Variants in ANKRD12 observed in about 807,000 individuals in gnomAD.
The protein encoded by ANKRD12 is ankyrin repeat domain-containing protein 12.
Under a neutral mutation model 183.4 loss-of-function variants are expected in ANKRD12, and 85 were observed. That is an observed-to-expected ratio of 0.46 (90% confidence interval 0.39 to 0.56). ANKRD12 has a LOEUF of 0.56. Ranked by LOEUF, ANKRD12 falls within the 20% of genes least tolerant of loss-of-function variation. ANKRD12 has a pLI of 0.00. For synonymous variants in ANKRD12, 914 were observed against 800.2 expected, an observed-to-expected ratio of 1.14 and a Z score of -2.40; for missense variants, 2,405 against 2,357.1, an observed-to-expected ratio of 1.02 and a Z score of -0.42.
chr18:9,275,763 A>G (rs1195818514), intron 11 of ANKRD12, 96 bp downstream of exon 11: 2 of 1,241,958 alleles, frequency 1.6e-6, no homozygotes, highest in Admixed American at 5.0e-5. Flanking sequence ...CTTGAACTCA[A>G]CAATCATTAA....
intron 7 of ANKRD12, among the ~76,000 whole-genome samples, chr18:9,217,679 T>TA (rs2036189267): frequency 6.6e-6 from 1 of 152,216 alleles, no homozygotes; most frequent in Middle Eastern, 3.2e-3. Flanking sequence ...GGTCTACTCT[T>TA]TTCTCTGTGC....
chr18:9,208,165 G>A (rs1170354520), intron 4 of ANKRD12, among the ~76,000 whole-genome samples: 1 of 152,050 alleles, frequency 6.6e-6, no homozygotes, highest in Admixed American at 6.5e-5. Context: ...ACTTTTTTTC[G>A]ATAGTTGTTC....
rs557896815 is a variant in ANKRD12, at chr18:9,142,655, G to GCA, written c.-52+5691_-52+5692dup. 1.6e-4 allele frequency among the ~76,000 whole-genome samples: 25 copies of GCA among 152,298 alleles called. No individual in the cohort carries two copies. In the East Asian group the frequency reaches 4.8e-3, roughly 29 times the overall value. ...TCTGCTCTTTGGGAGGCTGAGGCTG[G>GCA]CAGATCACCTGAGGTCAGGAGTTTG... On this transcript the variant is annotated intron_variant, in intron 1 of 12. Coordinates refer to ENST00000262126, the MANE Select transcript of ANKRD12 (RefSeq NM_015208.5).
intron 1 of ANKRD12, among the ~76,000 whole-genome samples, chr18:9,178,193 T>G (rs2033427425): frequency 6.6e-6 from 1 of 152,232 alleles, no homozygotes. Context: ...AAGAAATCTT[T>G]GTCTAATCCA....
chr18:9,219,735 A>G (rs899256703), intron 7 of ANKRD12, among the ~76,000 whole-genome samples: 2 of 151,808 alleles, frequency 1.3e-5, no homozygotes, highest in African/African-American at 2.4e-5. Flanking sequence ...AGAGCCATAC[A>G]ACACAGAATC....
intron 8 of ANKRD12, among the ~76,000 whole-genome samples, chr18:9,250,927 T>C (rs1050505859): frequency 2.6e-5 from 4 of 152,200 alleles, no homozygotes; most frequent in African/African-American, 9.7e-5. Context: ...TTAGTCTTGT[T>C]TTTGAGGTAG....
intron 8 of ANKRD12, among the ~76,000 whole-genome samples, chr18:9,245,014 A>G (rs1433954825): frequency 6.6e-6 from 1 of 152,180 alleles, no homozygotes; most frequent in East Asian, 1.9e-4. Context: ...AAGCACAATA[A>G]ATGTTATTTT....
At chr18:9,206,893 T>A (rs1370302837) in intron 4 of ANKRD12, among the ~76,000 whole-genome samples, 3 of 151,370 alleles carry the variant, frequency 2.0e-5, no homozygotes, top group Non-Finnish European at 4.4e-5. Context: ...AAATGCAAAA[T>A]TTTCCCCAAT....
Position 9,256,034 on chromosome 18 carries a change from G to C in ANKRD12, c.2767G>C (p.Ala923Pro), listed in dbSNP as rs1239756277. 13 of 1,560,490 alleles carry C rather than the reference G, an allele frequency of 8.3e-6. No homozygotes were observed. The highest frequency in any genetic ancestry group is 1.4e-5 in the African/African-American group (1 of 71,774). ...AAAGCCTGAAAAAGAGAGGCATCTA[G>C]CAGAAAGCAAAGAAAAGCACTTGAT... ...KEKPEKERHL[A>P]ESKEKHLMEK... is the part of the protein sequence containing the mutation. The change falls in exon 9 of 13, where the codon GCA (alanine) becomes CCA (proline). Residue 923 changes from alanine (A) to proline (P), a missense_variant. Ala to Pro is a conservative substitution (Grantham distance 27). Transcript: ENST00000262126.
intron 5 of ANKRD12, among the ~76,000 whole-genome samples, chr18:9,209,049 A>C (rs2035636777): frequency 6.6e-6 from 1 of 152,180 alleles, no homozygotes; most frequent in South Asian, 2.1e-4. Flanking sequence ...TGTTTTATTA[A>C]GATCTAAATT....
intron 1 of ANKRD12, among the ~76,000 whole-genome samples, chr18:9,173,091 A>T (rs527263012): frequency 5.8e-4 from 81 of 140,838 alleles, no homozygotes; most frequent in African/African-American, 2.1e-3. Flanking sequence ...TTTTTTTGAG[A>T]CTGAGTTTAG....
intron 1 of ANKRD12, among the ~76,000 whole-genome samples, chr18:9,138,669 G>A (rs1232690079): frequency 1.3e-5 from 2 of 152,188 alleles, no homozygotes; most frequent in African/African-American, 4.8e-5. Flanking sequence ...CTCTATTGGT[G>A]CCAAGTGGCT....
intron 8 of ANKRD12, among the ~76,000 whole-genome samples, chr18:9,232,007 CTG>C (rs1159507058): frequency 1.3e-5 from 2 of 152,024 alleles, no homozygotes; most frequent in Non-Finnish European, 2.9e-5. Flanking sequence ...TTCAGCTAGT[CTG>C]TGTCTATTAA....
chr18:9,275,439 C>G, intron 10 of ANKRD12, 85 bp from the exon 11 acceptor site: 1 of 1,308,844 alleles, frequency 7.6e-7, no homozygotes, highest in Non-Finnish European at 1.1e-6. Context: ...CACCACTGCA[C>G]TCCAGCCTAG....
chr18:9,281,310 A>G lies in ANKRD12; in HGVS notation c.*184A>G, dbSNP rs1036262328. 4.1e-6 allele frequency: 2 copies of G among 487,666 alleles called. No homozygotes were observed. Among genetic ancestry groups the G allele is most frequent in the Admixed American group, 8.3e-5 (2 of 24,138 alleles). The allele number at this position is 487,666 out of a possible 1,614,324, so 30.2% of individuals were successfully genotyped here. ...GAGAATTATTTTGGATCTTAGATCCAAACACAGTTTCTAATAGAAAACTAT... is the reference window on the plus strand; with the variant it reads ...GAGAATTATTTTGGATCTTAGATCCGAACACAGTTTCTAATAGAAAACTAT... On this transcript the variant is annotated 3_prime_UTR_variant, in exon 13 of 13. Transcript: ENST00000262126.
chr18:9,155,376 T>C (rs2030252020), intron 1 of ANKRD12, among the ~76,000 whole-genome samples: 1 of 152,262 alleles, frequency 6.6e-6, no homozygotes. Context: ...TATAAATGGA[T>C]ATGTAGATTT....
intron 1 of ANKRD12, among the ~76,000 whole-genome samples, chr18:9,165,465 C>T (rs1052378344): frequency 2.0e-5 from 3 of 152,086 alleles, no homozygotes; most frequent in East Asian, 1.9e-4. Flanking sequence ...AGAATGTTTT[C>T]GTCATCCCAA....
At chr18:9,170,167 T>A (rs1162668905) in intron 1 of ANKRD12, among the ~76,000 whole-genome samples, 1 of 152,232 alleles carries the variant, frequency 6.6e-6, no homozygotes, top group Non-Finnish European at 1.5e-5. Context: ...ATTTCAACTT[T>A]GGTGATTCTG....
intron 1 of ANKRD12, among the ~76,000 whole-genome samples, chr18:9,148,780 C>T (rs1243781249): frequency 1.3e-5 from 2 of 152,142 alleles, no homozygotes; most frequent in Non-Finnish European, 2.9e-5. Context: ...CAGAGTTTCA[C>T]CAAGGGCACC....
Sources: gnomAD v4.1 joint callset for allele counts (sites outside exome capture counted in the v4.1 genomes callset) on GRCh38, gnomAD v4.1.1 for gene constraint, MANE v1.5 for transcripts, NCBI Gene and HGNC (gene_info 2026-07-23, HGNC 2026-07-21) for gene names.